PCSK1: variants seen among roughly 807,000 people sequenced by gnomAD.
The protein encoded by PCSK1 is proprotein convertase subtilisin/kexin type 1, also known as neuroendocrine convertase 1.
Under a neutral mutation model 90.6 loss-of-function variants are expected in PCSK1, and 56 were observed. That is an observed-to-expected ratio of 0.62 (90% CI 0.50 to 0.77). The LOEUF is 0.77. Ranked by LOEUF, PCSK1 falls within the 30% of genes least tolerant of loss-of-function variation. PCSK1 has a pLI of 0.00. For synonymous variants in PCSK1, 348 were observed against 342.4 expected, an observed-to-expected ratio of 1.02 and a Z score of -0.18; for missense variants, 801 against 932.6, an observed-to-expected ratio of 0.86 and a Z score of 1.84.
intron 9 of PCSK1, among the ~76,000 whole-genome samples, chr5:96,407,481 A>G (rs980380044): frequency 7.3e-5 from 11 of 151,088 alleles, no homozygotes; most frequent in African/African-American, 2.5e-4. Flanking sequence ...ACTTTCACAC[A>G]TATATTCCTG....
intron 6 of PCSK1, among the ~76,000 whole-genome samples, chr5:96,414,971 A>G (rs1477598443): frequency 1.3e-5 from 2 of 152,250 alleles, no homozygotes; most frequent in African/African-American, 4.8e-5. Flanking sequence ...AACCAAATGC[A>G]AGGTATACTC....
intron 9 of PCSK1, among the ~76,000 whole-genome samples, chr5:96,403,245 A>C (rs1326388996): frequency 6.6e-6 from 1 of 152,190 alleles, no homozygotes; most frequent in African/African-American, 2.4e-5. Context: ...TTGTCATGCA[A>C]TTAGAAAAAC....
intron 3 of PCSK1, among the ~76,000 whole-genome samples, chr5:96,425,049 AAAGAAAGAAAGAAAGAAAG>A (rs1561376433): frequency 6.9e-6 from 1 of 144,032 alleles, no homozygotes; most frequent in Non-Finnish European, 1.5e-5. Context: ...AGAAAGAAAG[AAAGAAAGAAAGAAAGAAAG>A]AAAGAAAACG....
rs756920190 is a variant in PCSK1, at chr5:96,398,987, A to T, written c.1480T>A (p.Cys494Ser). 6.2e-7 allele frequency: 1 copy of T among 1,612,748 alleles called. No homozygotes were observed. The highest frequency in any genetic ancestry group is 1.3e-5 in the African/African-American group (1 of 74,900). The change falls in exon 11 of 14, where the codon TGT becomes AGT. Residue 494 changes from cysteine (C) to serine (S), a missense_variant. By Grantham distance (112) the Cys-to-Ser change is moderately radical. Transcript: ENST00000311106. ...EVIIEIPTRA[C>S]EGQENAIKSL... is the part of the protein sequence containing the mutation. ...TTGATAGCATTTTCTTGTCCTTCAC[A>T]AGCTCTTGTTGGAATTTCAATGATA... is the stretch of plus-strand genomic sequence containing the variant.
chr5:96,400,015 C>T lies in PCSK1; in HGVS notation c.1368G>A (p.Arg456=), dbSNP rs749808167. ...TCTTCTCAGGCACGCTCCTCCAGGTCCTGGGGTCAGCTAAATCCACCAGAG... is the reference window on the plus strand; with the variant it reads ...TCTTCTCAGGCACGCTCCTCCAGGTTCTGGGGTCAGCTAAATCCACCAGAG... ...AKALVDLADP[R]TWRSVPEKKE... The change falls in exon 10 of 14, where the codon AGG becomes AGA. Residue 456 remains arginine, a synonymous_variant. Coordinates refer to ENST00000311106, the MANE Select transcript of PCSK1 (RefSeq NM_000439.5). The T allele has an allele frequency of 3.2e-5, 52 of 1,614,212 alleles. No homozygotes were observed. Among genetic ancestry groups the T allele is most frequent in the Non-Finnish European group, 4.3e-5 (51 of 1,180,034 alleles).
At chr5:96,429,389 G>A in intron 1 of PCSK1, 72 bp from the exon 2 acceptor site, 1 of 839,888 alleles carries the variant, frequency 1.2e-6, no homozygotes, top group African/African-American at 1.7e-5. Flanking sequence ...TTAAAACTCA[G>A]CTAACTTAGA....
intron 13 of PCSK1, among the ~76,000 whole-genome samples, chr5:96,394,584 C>CT (rs1358169462): frequency 3.3e-5 from 5 of 152,016 alleles, no homozygotes; most frequent in Admixed American, 1.3e-4. Flanking sequence ...ATAAAGATAA[C>CT]TTTTTTTTCC....
At chr5:96,427,520 A>C (rs1362508387) in intron 2 of PCSK1, among the ~76,000 whole-genome samples, 1 of 152,116 alleles carries the variant, frequency 6.6e-6, no homozygotes, top group Non-Finnish European at 1.5e-5. Context: ...TCTTGGGCTA[A>C]TTTTTTACAA....
At position 96,415,227 on chromosome 5, in the gene PCSK1, C is replaced by T. The variant is rs138968995; in HGVS notation, c.709+806G>A. 1.9e-3 allele frequency among the ~76,000 whole-genome samples: 289 copies of T among 152,246 alleles called. 1 individual carries two copies. Among genetic ancestry groups the T allele is most frequent in the African/African-American group, 6.6e-3 (276 of 41,564 alleles). On this transcript the variant is annotated intron_variant, in intron 6 of 13. Coordinates refer to ENST00000311106, the MANE Select transcript of PCSK1 (RefSeq NM_000439.5). ...GGCTCTGTCTTCCCATTGGGTTCAG[C>T]CAACTGAAGACACCAGCAAGAGGGT...
chr5:96,431,303 T>C (rs1761486224), intron 1 of PCSK1, among the ~76,000 whole-genome samples: 1 of 152,248 alleles, frequency 6.6e-6, no homozygotes, highest in South Asian at 2.1e-4. Flanking sequence ...TTCTCCGATC[T>C]CATTATGTGC....
Position 96,432,989 on chromosome 5 carries a change from A to C in PCSK1, c.54T>G (p.Ala18=). 1.9e-6 allele frequency: 3 copies of C among 1,614,210 alleles called. No homozygotes were observed. The highest frequency in any genetic ancestry group is 1.7e-6 in the Non-Finnish European group (2 of 1,180,014). ...CTTTTGCACTGTTCAGTGCACACCA[A>C]GCGCAAAAGAGGACGAAAGCAGTGC... ...LQCTAFVLFC[A]WCALNSAKAK... is the part of the protein sequence containing the mutation. Residue 18 remains alanine (A), a synonymous_variant, in exon 1 of 14, where the codon GCT becomes GCG. Transcript: ENST00000311106.
intron 6 of PCSK1, among the ~76,000 whole-genome samples, 156 bp from the exon 7 acceptor site, chr5:96,412,646 A>G (rs568631891): frequency 4.1e-4 from 63 of 151,964 alleles, no homozygotes; most frequent in Admixed American, 2.2e-3. Flanking sequence ...TAACCCAGCT[A>G]CTGACACCAC....
intron 13 of PCSK1, among the ~76,000 whole-genome samples, chr5:96,394,210 G>A (rs900320570): frequency 1.9e-4 from 29 of 152,192 alleles, no homozygotes; most frequent in Non-Finnish European, 4.3e-4. Flanking sequence ...GAGGCACTGT[G>A]CTAGATGCTG....
In PCSK1 at chr5:96,423,466, A is replaced by G; in HGVS notation, c.397-7T>C. ...CCGTCATCCTGGTATCTTGCTGGTA[A>G]AGAAAAACAACGAAGCATTGATAAA... is the stretch of plus-strand genomic sequence containing the variant. On this transcript the variant is annotated splice_region_variant and splice_polypyrimidine_tract_variant and intron_variant, in intron 3 of 13. Coordinates refer to ENST00000311106, the MANE Select transcript of PCSK1 (RefSeq NM_000439.5). The G allele has an allele frequency of 1.2e-6, 2 of 1,613,866 alleles. No individual in the cohort carries two copies. Among genetic ancestry groups the G allele is most frequent in the Non-Finnish European group, 1.7e-6 (2 of 1,179,764 alleles).
intron 9 of PCSK1, among the ~76,000 whole-genome samples, chr5:96,401,236 T>C (rs1281443642): frequency 1.3e-5 from 2 of 152,056 alleles, no homozygotes; most frequent in Non-Finnish European, 2.9e-5. Context: ...TAGAAAGATC[T>C]AGGAAAACTT....
chr5:96,417,909 G>T (rs1760985671), intron 5 of PCSK1, among the ~76,000 whole-genome samples: 1 of 152,184 alleles, frequency 6.6e-6, no homozygotes, highest in African/African-American at 2.4e-5. Flanking sequence ...ACTTCCAGAA[G>T]TCACCACTGC....
At chr5:96,397,272 T>G (rs1248082480) in intron 12 of PCSK1, 64 bp downstream of exon 12, 7 of 1,448,956 alleles carry the variant, frequency 4.8e-6, no homozygotes, top group Non-Finnish European at 6.8e-6. Flanking sequence ...GAAATCAACC[T>G]TAAAAGTGCT....
intron 10 of PCSK1, among the ~76,000 whole-genome samples, chr5:96,399,265 C>T (rs929459134): frequency 2.6e-5 from 4 of 152,074 alleles, no homozygotes; most frequent in African/African-American, 9.7e-5. Flanking sequence ...GAGTCAAATT[C>T]AGGCAGATTT....
At chr5:96,429,119 A>G in intron 2 of PCSK1, 94 bp downstream of exon 2, 2 of 733,352 alleles carry the variant, frequency 2.7e-6, no homozygotes, top group Non-Finnish European at 2.4e-6. Flanking sequence ...TAAAAAAAAA[A>G]CCACATTTGC....
Sources: gnomAD v4.1 joint callset for allele counts (sites outside exome capture counted in the v4.1 genomes callset) on GRCh38, gnomAD v4.1.1 for gene constraint, MANE v1.5 for transcripts, NCBI Gene and HGNC (gene_info 2026-07-23, HGNC 2026-07-21) for gene names.